SRPK2: variants seen among roughly 807,000 people sequenced by gnomAD.
The protein encoded by SRPK2 is SRSF protein kinase 2.
SRPK2 carries 21 observed loss-of-function variants against 90.8 expected under a neutral mutation model. That is an observed-to-expected ratio of 0.23 (90% CI 0.16 to 0.33). The LOEUF (loss-of-function observed/expected upper bound fraction) is 0.33. Among genes scored for constraint, SRPK2 ranks in the 10% least tolerant of loss-of-function variants. The pLI, the probability that SRPK2 is intolerant of heterozygous loss-of-function variation, is 1.00. For synonymous variants in SRPK2, 288 were observed against 311.1 expected (o/e 0.93, Z 0.78); for missense variants, 620 against 869.0 (o/e 0.71, Z 3.60).
Position 105,142,443 on chromosome 7 carries a change from T to C in SRPK2, c.1108A>G (p.Ile370Val), listed in dbSNP as rs552784961. The part of the protein sequence containing the change: ...EEKEDAEKEN[I>V]EKDEDDVDQE... ...TCTACATCATCTTCATCTTTTTCAA[T>C]GTTTTCTTTCTCAGCATCTTCTTTC... Residue 370 changes from isoleucine to valine, a missense_variant, in exon 11 of 16, where the codon ATT (isoleucine) becomes GTT (valine). Physicochemically the swap from Ile to Val is conservative, Grantham distance 29. Around this residue, in one of 8 missense-constraint regions of SRPK2, gnomAD observed 243 missense variants for 245.7 expected, o/e 0.99. Transcript: ENST00000393651. 1.9e-6 allele frequency: 3 copies of C among 1,612,932 alleles called. No homozygotes were observed. Among genetic ancestry groups the C allele is most frequent in the Non-Finnish European group, 2.5e-6 (3 of 1,179,760 alleles).
At chr7:105,284,456 A>G (rs1207212188) in intron 2 of SRPK2, among the ~76,000 whole-genome samples, 2 of 152,264 alleles carry the variant, frequency 1.3e-5, no homozygotes, top group African/African-American at 4.8e-5. Context: ...TGTGCCATAC[A>G]AAGAAATCCT....
chr7:105,382,552 CAAAAAAAA>C (rs71152969), intron 2 of SRPK2, among the ~76,000 whole-genome samples: 40 of 75,902 alleles, frequency 5.3e-4, no homozygotes, highest in South Asian at 1.1e-3. Flanking sequence ...AACTCCATCT[CAAAAAAAA>C]AAAAAAAAAA....
chr7:105,314,859 A>T lies in SRPK2; in HGVS notation c.71+73789T>A, dbSNP rs565469169. On this transcript the variant is annotated intron_variant, in intron 2 of 15. Coordinates refer to ENST00000393651, the MANE Select transcript of SRPK2 (RefSeq NM_182692.3). Reference sequence around the variant, plus strand: ...AAGTAAATTGCTCAAATGTAGTGAAATCTCATTAATCATTCTTACAAAGTA... The same window carrying T: ...AAGTAAATTGCTCAAATGTAGTGAATTCTCATTAATCATTCTTACAAAGTA... 5.9e-5 allele frequency among the ~76,000 whole-genome samples: 9 copies of T among 152,374 alleles called. No homozygotes were observed. In the East Asian group the frequency reaches 1.5e-3, roughly 26 times the overall value.
intron 2 of SRPK2, among the ~76,000 whole-genome samples, chr7:105,352,485 C>T (rs1370935492): frequency 1.3e-5 from 2 of 152,206 alleles, no homozygotes; most frequent in South Asian, 2.1e-4. Context: ...TGACTGCAAC[C>T]CTGAGCCAGA....
At chr7:105,175,636 T>C (rs992612310) in intron 3 of SRPK2, among the ~76,000 whole-genome samples, 1 of 152,080 alleles carries the variant, frequency 6.6e-6, no homozygotes, top group African/African-American at 2.4e-5. Flanking sequence ...CCAGGCAGAT[T>C]GGGCAGTGAG....
At chr7:105,159,466 A>AAAAAAAACAAAAAAAC (rs1554428675) in intron 7 of SRPK2, among the ~76,000 whole-genome samples, 2 of 114,230 alleles carry the variant, frequency 1.8e-5, no homozygotes, top group Non-Finnish European at 3.7e-5. Context: ...AAAAAAAAAA[A>AAAAAAAACAAAAAAAC]AAAAAAACCG....
intron 15 of SRPK2, among the ~76,000 whole-genome samples, chr7:105,125,095 A>G (rs1800988205): frequency 1.4e-5 from 2 of 141,422 alleles, no homozygotes; most frequent in Non-Finnish European, 1.5e-5. Flanking sequence ...GCGCCACTCC[A>G]CTCCAGCCTG....
At chr7:105,269,222 G>C (rs1339038949) in intron 2 of SRPK2, 1 of 416,246 alleles carries the variant, frequency 2.4e-6, no homozygotes, top group Non-Finnish European at 3.2e-6. Flanking sequence ...AAATATACTA[G>C]ATAATTTGAG....
chr7:105,277,042 C>T (rs549670602), intron 2 of SRPK2, among the ~76,000 whole-genome samples: 21 of 152,002 alleles, frequency 1.4e-4, no homozygotes, highest in Non-Finnish European at 2.2e-4. Flanking sequence ...TCAGGATACA[C>T]GCTTATGGAG....
At chr7:105,322,466 A>G (rs753357378) in intron 2 of SRPK2, among the ~76,000 whole-genome samples, 3 of 152,192 alleles carry the variant, frequency 2.0e-5, no homozygotes, top group Non-Finnish European at 4.4e-5. Context: ...TGCAAAGTGA[A>G]AGAAGCCAGA....
intron 2 of SRPK2, among the ~76,000 whole-genome samples, chr7:105,292,923 G>T (rs926516996): frequency 6.6e-6 from 1 of 152,268 alleles, no homozygotes; most frequent in Middle Eastern, 3.4e-3. Context: ...TTCTGTTTGA[G>T]CATCTCCTTG....
intron 2 of SRPK2, chr7:105,301,502 G>A (rs568955928): frequency 4.4e-5 from 56 of 1,277,536 alleles, no homozygotes; most frequent in South Asian, 1.5e-4. Context: ...CTCAGGAGGC[G>A]CCCCGCAACC....
chr7:105,261,215 C>T (rs1008013138), intron 2 of SRPK2, among the ~76,000 whole-genome samples: 7 of 151,986 alleles, frequency 4.6e-5, no homozygotes, highest in East Asian at 1.9e-4. Context: ...ATAAGCTGTG[C>T]GCTTTTATGG....
At chr7:105,331,335 A>AAAAAAC (rs1563248739) in intron 2 of SRPK2, among the ~76,000 whole-genome samples, 1 of 145,414 alleles carries the variant, frequency 6.9e-6, no homozygotes, top group Non-Finnish European at 1.5e-5. Flanking sequence ...AAAAAAAAAA[A>AAAAAAC]AACAAATAGT....
intron 3 of SRPK2, among the ~76,000 whole-genome samples, chr7:105,173,144 A>G (rs1307645071): frequency 6.6e-6 from 1 of 152,018 alleles, no homozygotes; most frequent in Non-Finnish European, 1.5e-5. Context: ...GATGCGGGCT[A>G]GCTCTGTCAC....
At chr7:105,204,778 A>T in intron 2 of SRPK2, 1 of 538,526 alleles carries the variant, frequency 1.9e-6, no homozygotes. Context: ...AGTTCCTCAC[A>T]CCATGCACCT....
At chr7:105,149,267 T>G (rs1029128876) in intron 7 of SRPK2, among the ~76,000 whole-genome samples, 21 of 152,232 alleles carry the variant, frequency 1.4e-4, no homozygotes, top group Admixed American at 3.9e-4. Flanking sequence ...GAGACATGTT[T>G]GCAGTAATGC....
chr7:105,115,873 GTTTCTCA>G (rs1799588347), downstream of SRPK2, among the ~76,000 whole-genome samples: 1 of 152,102 alleles, frequency 6.6e-6, no homozygotes, highest in African/African-American at 2.4e-5. Context: ...TTGTAAGGAT[GTTTCTCA>G]TAGAAATCAC....
At chr7:105,159,466 A>AAAAAAAAT (rs1316365933) in intron 7 of SRPK2, among the ~76,000 whole-genome samples, 2 of 114,230 alleles carry the variant, frequency 1.8e-5, no homozygotes, top group African/African-American at 6.3e-5. Flanking sequence ...AAAAAAAAAA[A>AAAAAAAAT]AAAAAAACCG....
Sources: allele counts gnomAD v4.1 joint callset (sites outside exome capture counted in the v4.1 genomes callset), GRCh38; gene constraint gnomAD v4.1.1; regional missense constraint gnomAD v4.1.1; transcripts MANE v1.5; gene names NCBI Gene and HGNC (gene_info 2026-07-23, HGNC 2026-07-21).